Variants in TCF4 observed in about 807,000 individuals in gnomAD.
TCF4 encodes the protein SL3-3 enhancer factor 2.
TCF4 carries 3 observed loss-of-function variants against 82.1 expected under a neutral mutation model. The ratio of observed to expected loss-of-function variants is 0.04; its 90% CI spans 0.02 to 0.09. The LOEUF (loss-of-function observed/expected upper bound fraction) is 0.09. TCF4 is among the 10% of genes least tolerant of loss of function. The pLI, the probability that TCF4 is intolerant of heterozygous loss-of-function variation, is 1.00. For missense variants in TCF4, 518 were observed against 852.7 expected (o/e 0.61, Z 4.89); for synonymous variants, 276 against 309.6 (o/e 0.89, Z 1.14).
chr18:55,430,552 C>A (rs1035653851), intron 5 of TCF4, among the ~76,000 whole-genome samples: 4 of 152,086 alleles, frequency 2.6e-5, no homozygotes, highest in Admixed American at 1.3e-4. Flanking sequence ...AGCTACTGAG[C>A]AATGACATTA....
chr18:55,495,754 T>C (rs1174195080), intron 3 of TCF4: 1 of 152,242 alleles, frequency 6.6e-6, no homozygotes. Context: ...TGTCAAAAAA[T>C]TGTATACTAG....
chr18:55,470,344 C>T lies in TCF4; in HGVS notation c.146-6207G>A, dbSNP rs150703735. 5.2e-3 allele frequency among the ~76,000 whole-genome samples: 795 copies of T among 152,242 alleles called. 12 individuals carry two copies. Among genetic ancestry groups the T allele is most frequent in the African/African-American group, 0.018 (760 of 41,544 alleles). On this transcript the variant is annotated intron_variant, in intron 3 of 19. Transcript: ENST00000354452. Reference sequence around the variant, plus strand: ...TAAACAGGTCAGTGATTTTTAAATACTCTCCTGGATCTTAGAAACACCCAA... The same window carrying T: ...TAAACAGGTCAGTGATTTTTAAATATTCTCCTGGATCTTAGAAACACCCAA...
intron 1 of TCF4, among the ~76,000 whole-genome samples, chr18:55,634,981 C>T (rs941076583): frequency 6.6e-6 from 1 of 152,056 alleles, no homozygotes; most frequent in African/African-American, 2.4e-5. Flanking sequence ...ATTTGAGATG[C>T]CAGCATGACA....
At chr18:55,305,600 C>T (rs1038936463) in intron 8 of TCF4, among the ~76,000 whole-genome samples, 3 of 152,086 alleles carry the variant, frequency 2.0e-5, no homozygotes, top group Admixed American at 1.3e-4. Context: ...ACTAGGATTA[C>T]GGAATGGTAT....
At chr18:55,479,464 G>A (rs372037044) in intron 3 of TCF4, among the ~76,000 whole-genome samples, 4 of 152,122 alleles carry the variant, frequency 2.6e-5, no homozygotes, top group African/African-American at 7.2e-5. Context: ...CTTTCTGCCC[G>A]TGACCACCTA....
chr18:55,399,955 C>T (rs896758939), intron 6 of TCF4, among the ~76,000 whole-genome samples: 1 of 147,844 alleles, frequency 6.8e-6, no homozygotes, highest in African/African-American at 2.5e-5. Flanking sequence ...TGGCTTTAGA[C>T]CTGGGCTATA....
chr18:55,268,641 T>A (rs540576966), intron 11 of TCF4: 2 of 152,264 alleles, frequency 1.3e-5, no homozygotes, highest in South Asian at 4.1e-4. Flanking sequence ...GAGGGCATTA[T>A]TGAGGCAGAA....
chr18:55,571,499 G>C (rs2097467091), intron 3 of TCF4, among the ~76,000 whole-genome samples: 2 of 152,192 alleles, frequency 1.3e-5, no homozygotes, highest in Admixed American at 6.5e-5. Context: ...TACTTATGTT[G>C]GTGGTGGGTT....
At chr18:55,350,274 A>C (rs963832355) in intron 8 of TCF4, 85 bp downstream of exon 8, 1 of 1,424,154 alleles carries the variant, frequency 7.0e-7, no homozygotes, top group African/African-American at 1.4e-5. Flanking sequence ...GGGCGCATGG[A>C]AACTCATTTA....
intron 5 of TCF4, chr18:55,422,125 CAAAAAA>C (rs555892552): frequency 1.8e-4 from 58 of 323,332 alleles, no homozygotes; most frequent in Non-Finnish European, 1.9e-4. Context: ...CACTATCATC[CAAAAAA>C]AAAAAAAAAA....
chr18:55,361,693 C>T (rs2085243416), intron 6 of TCF4, among the ~76,000 whole-genome samples: 1 of 152,192 alleles, frequency 6.6e-6, no homozygotes, highest in African/African-American at 2.4e-5. Context: ...GCATTACAGG[C>T]AGATGTGGGA....
intron 6 of TCF4, among the ~76,000 whole-genome samples, chr18:55,386,275 T>C (rs1241282177): frequency 1.3e-5 from 2 of 152,210 alleles, no homozygotes; most frequent in Non-Finnish European, 2.9e-5. Flanking sequence ...CCATGACTCT[T>C]TCAAAGCTAT....
intron 3 of TCF4, among the ~76,000 whole-genome samples, chr18:55,560,462 T>G (rs1052187725): frequency 2.6e-5 from 4 of 152,210 alleles, no homozygotes; most frequent in Non-Finnish European, 5.9e-5. Flanking sequence ...AGGTAGGTCC[T>G]TTGAGGAGCA....
At chr18:55,473,502 C>G (rs1457021529) in intron 3 of TCF4, among the ~76,000 whole-genome samples, 26 of 152,184 alleles carry the variant, frequency 1.7e-4, no homozygotes, top group Admixed American at 1.7e-3. Flanking sequence ...TCCACCACAA[C>G]CCCTTTTGCT....
chr18:55,621,632 T>TATA (rs1555791496), intron 2 of TCF4, among the ~76,000 whole-genome samples: 5 of 81,142 alleles, frequency 6.2e-5, no homozygotes, highest in Non-Finnish European at 2.1e-5. Context: ...ATATAATATA[T>TATA]ATATTATATA....
At chr18:55,390,065 T>C (rs2092943717) in intron 6 of TCF4, among the ~76,000 whole-genome samples, 1 of 152,162 alleles carries the variant, frequency 6.6e-6, no homozygotes, top group South Asian at 2.1e-4. Context: ...GTGAATTATC[T>C]ATTTTTCTCA....
intron 5 of TCF4, among the ~76,000 whole-genome samples, chr18:55,433,313 G>A (rs927633247): frequency 1.3e-5 from 2 of 152,170 alleles, no homozygotes; most frequent in Admixed American, 6.5e-5. Context: ...CTCACAAACA[G>A]TTGCTATTAG....
intron 6 of TCF4, chr18:55,351,381 T>G: frequency 4.2e-6 from 1 of 239,210 alleles, no homozygotes; most frequent in Non-Finnish European, 8.2e-6. Context: ...AGAACCTCAT[T>G]TTGTGAACGC....
intron 2 of TCF4, among the ~76,000 whole-genome samples, chr18:55,627,792 G>A (rs185247856): frequency 6.6e-6 from 1 of 151,654 alleles, no homozygotes; most frequent in Non-Finnish European, 1.5e-5. Flanking sequence ...CGGGTGCAGT[G>A]GCTCACGCCT....
Sources: gnomAD v4.1 joint callset for allele counts (sites outside exome capture counted in the v4.1 genomes callset) on GRCh38, gnomAD v4.1.1 for gene constraint, MANE v1.5 for transcripts, NCBI Gene and HGNC (gene_info 2026-07-23, HGNC 2026-07-21) for gene names.